The following GRIA1 variants were observed in gnomAD, a reference collection of about 807,000 sequenced individuals.
GRIA1 encodes the protein glutamate receptor 1.
Under a neutral mutation model 99.2 loss-of-function variants are expected in GRIA1, and 31 were observed. That is an observed-to-expected ratio of 0.31 (90% CI 0.23 to 0.42). The LOEUF is 0.42. Ranked by LOEUF, GRIA1 falls within the 10% of genes least tolerant of loss-of-function variation. The pLI, the probability that GRIA1 is intolerant of heterozygous loss-of-function variation, is 1.00. For missense variants in GRIA1, 782 were observed against 1,157.5 expected, an observed-to-expected ratio of 0.68 and a Z score of 4.71; for synonymous variants, 438 against 432.4, an observed-to-expected ratio of 1.01 and a Z score of -0.16.
At chr5:153,708,783 A>T (rs1759101653) in intron 11 of GRIA1, among the ~76,000 whole-genome samples, 1 of 152,232 alleles carries the variant, frequency 6.6e-6, no homozygotes, top group Non-Finnish European at 1.5e-5. Context: ...TTTATGCCAG[A>T]GACCAGCCAC....
chr5:153,694,047 A>G (rs1221263482), intron 8 of GRIA1, among the ~76,000 whole-genome samples: 1 of 152,224 alleles, frequency 6.6e-6, no homozygotes, highest in Non-Finnish European at 1.5e-5. Flanking sequence ...AGAGTTAGAA[A>G]TAAAATAGGT....
intron 5 of GRIA1, among the ~76,000 whole-genome samples, chr5:153,665,771 C>G (rs971980139): frequency 1.3e-5 from 2 of 152,112 alleles, no homozygotes; most frequent in Non-Finnish European, 2.9e-5. Flanking sequence ...GGGGAGAACT[C>G]TCATATATAA....
At chr5:153,548,031 C>G (rs1759771302) in intron 2 of GRIA1, among the ~76,000 whole-genome samples, 1 of 152,148 alleles carries the variant, frequency 6.6e-6, no homozygotes, top group Admixed American at 6.5e-5. Flanking sequence ...AACCCCTTCT[C>G]ATAAAAAAAA....
At chr5:153,805,005 G>A (rs766469508) in intron 15 of GRIA1, among the ~76,000 whole-genome samples, 2 of 151,840 alleles carry the variant, frequency 1.3e-5, no homozygotes, top group African/African-American at 4.8e-5. Flanking sequence ...ACCCACCTCG[G>A]CCTTCCAAAG....
In GRIA1 at chr5:153,811,298, AAAC is replaced by A. The variant is rs1339100483; in HGVS notation, c.*82_*84del. 16 of 1,037,604 alleles carry A rather than the reference AAAC, an allele frequency of 1.5e-5. No individual in the cohort carries two copies. The African/African-American group carries it at 1.6e-4, about 10-fold the overall frequency. 64.3% of individuals were successfully genotyped at this position (1,037,604 alleles called of 1,614,324 possible). ...CCCATCCCAAACCCTTCAGTGCCAAAAACAACAACAAAATGAAACGCAACCACC... is the reference window on the plus strand; with the variant it reads ...CCCATCCCAAACCCTTCAGTGCCAAAAACAACAAAATGAAACGCAACCACC... On this transcript the variant is annotated 3_prime_UTR_variant, in exon 16 of 16. Coordinates refer to ENST00000285900, the MANE Select transcript of GRIA1 (RefSeq NM_000827.4).
At chr5:153,743,485 G>A (rs1245943352) in intron 11 of GRIA1, among the ~76,000 whole-genome samples, 1 of 151,910 alleles carries the variant, frequency 6.6e-6, no homozygotes, top group Non-Finnish European at 1.5e-5. Flanking sequence ...GTTTCTTGTA[G>A]ATATAAGACT....
chr5:153,791,124 TTC>T (rs2149654555), intron 13 of GRIA1, among the ~76,000 whole-genome samples: 1 of 142,368 alleles, frequency 7.0e-6, no homozygotes, highest in African/African-American at 2.7e-5. Context: ...AGCAATTCGT[TTC>T]TGTCTCCTTA....
intron 11 of GRIA1, among the ~76,000 whole-genome samples, chr5:153,728,467 T>A: frequency 8.0e-6 from 1 of 125,108 alleles, no homozygotes; most frequent in African/African-American, 3.1e-5. Context: ...TGGGAGAAAA[T>A]TTTTGCAACC....
At chr5:153,576,926 T>TTGGATGGATGGA (rs574916178) in intron 2 of GRIA1, among the ~76,000 whole-genome samples, 7 of 129,556 alleles carry the variant, frequency 5.4e-5, no homozygotes, top group Middle Eastern at 8.3e-3. Context: ...TCAATAAATA[T>TTGGATGGATGGA]TGGATGGATG....
intron 2 of GRIA1, among the ~76,000 whole-genome samples, chr5:153,498,679 A>G (rs1358777318): frequency 1.3e-5 from 2 of 152,022 alleles, no homozygotes; most frequent in Non-Finnish European, 2.9e-5. Flanking sequence ...GTTTTTCTTG[A>G]CCTACACAAT....
chr5:153,755,296 T>C (rs891836906), intron 11 of GRIA1: 6 of 152,228 alleles, frequency 3.9e-5, no homozygotes, highest in Non-Finnish European at 7.3e-5. Context: ...CAGGTGGCCT[T>C]GTACAGCTGG....
chr5:153,745,681 A>G (rs1226005967), intron 11 of GRIA1, among the ~76,000 whole-genome samples: 8 of 144,656 alleles, frequency 5.5e-5, no homozygotes, highest in South Asian at 4.2e-4. Flanking sequence ...AAAGGTAAGG[A>G]AAAAAAAATA....
chr5:153,531,638 G>A (rs1311181534), intron 2 of GRIA1, among the ~76,000 whole-genome samples: 1 of 152,186 alleles, frequency 6.6e-6, no homozygotes, highest in Non-Finnish European at 1.5e-5. Context: ...TAAGCTCCCT[G>A]TTACTAGAGG....
chr5:153,730,538 A>G (rs1760929111), intron 11 of GRIA1, among the ~76,000 whole-genome samples: 1 of 152,140 alleles, frequency 6.6e-6, no homozygotes, highest in Non-Finnish European at 1.5e-5. Flanking sequence ...GATGGAGAGA[A>G]TAACAATAAA....
At chr5:153,779,811 C>G (rs566070316) in intron 13 of GRIA1, among the ~76,000 whole-genome samples, 4 of 152,190 alleles carry the variant, frequency 2.6e-5, no homozygotes, top group African/African-American at 9.7e-5. Flanking sequence ...CCATCCGCCT[C>G]GGCCTCCCAA....
intron 2 of GRIA1, among the ~76,000 whole-genome samples, chr5:153,577,248 C>T (rs575492747): frequency 4.6e-5 from 7 of 152,150 alleles, no homozygotes; most frequent in Non-Finnish European, 8.8e-5. Context: ...TAAGTATCTG[C>T]TGTATTTTAT....
intron 11 of GRIA1, among the ~76,000 whole-genome samples, chr5:153,757,663 A>G (rs1170042529): frequency 2.0e-5 from 3 of 152,192 alleles, no homozygotes; most frequent in African/African-American, 7.2e-5. Context: ...TACTGAAGGA[A>G]AAGATAAAAA....
intron 2 of GRIA1, among the ~76,000 whole-genome samples, chr5:153,589,502 T>C (rs984138795): frequency 6.6e-6 from 1 of 152,206 alleles, no homozygotes; most frequent in Non-Finnish European, 1.5e-5. Flanking sequence ...TAAAAGGGTA[T>C]GTTAGAAACT....
At chr5:153,578,881 C>T (rs1762804630) in intron 2 of GRIA1, among the ~76,000 whole-genome samples, 1 of 152,086 alleles carries the variant, frequency 6.6e-6, no homozygotes, top group Non-Finnish European at 1.5e-5. Flanking sequence ...GCACTCCAGC[C>T]TGGGTGACAG....
Sources: gnomAD v4.1 joint callset for allele counts (sites outside exome capture counted in the v4.1 genomes callset) on GRCh38, gnomAD v4.1.1 for gene constraint, MANE v1.5 for transcripts, NCBI Gene and HGNC (gene_info 2026-07-23, HGNC 2026-07-21) for gene names.